The following CDH18 variants were observed in gnomAD, a reference collection of about 807,000 sequenced individuals.
CDH18 encodes cadherin-18.
In CDH18, 31 loss-of-function variants were observed where a neutral mutation model predicts 67.9. The ratio of observed to expected loss-of-function variants is 0.46; its 90% confidence interval spans 0.34 to 0.62. The LOEUF (loss-of-function observed/expected upper bound fraction) is 0.62. CDH18 is among the 20% of genes least tolerant of loss of function. The pLI, the probability that CDH18 is intolerant of heterozygous loss-of-function variation, is 0.01. For synonymous variants in CDH18, 362 were observed against 347.2 expected (o/e 1.04, Z -0.48); for missense variants, 890 against 975.5 (o/e 0.91, Z 1.17).
At chr5:20,442,746 C>T (rs1581006765) in intron 1 of CDH18, among the ~76,000 whole-genome samples, 1 of 151,948 alleles carries the variant, frequency 6.6e-6, no homozygotes. Context: ...TAGGAAAAGC[C>T]TGCTATACCT....
At chr5:20,352,202 T>A (rs1220173627) in intron 1 of CDH18, among the ~76,000 whole-genome samples, 1 of 152,184 alleles carries the variant, frequency 6.6e-6, no homozygotes, top group Non-Finnish European at 1.5e-5. Flanking sequence ...ACCTTTCTTC[T>A]TGCTTGTCTT....
chr5:20,569,701 T>G (rs1758702221), intron 1 of CDH18, among the ~76,000 whole-genome samples: 1 of 152,162 alleles, frequency 6.6e-6, no homozygotes, highest in African/African-American at 2.4e-5. Flanking sequence ...GTTGAACACT[T>G]ACATATACAC....
At chr5:20,444,780 T>C (rs1244766810) in intron 1 of CDH18, among the ~76,000 whole-genome samples, 3 of 74,412 alleles carry the variant, frequency 4.0e-5, no homozygotes, top group Admixed American at 2.0e-4. Flanking sequence ...TTTTTCTTTC[T>C]TTTTTTTTTT....
upstream of CDH18, among the ~76,000 whole-genome samples, chr5:19,992,522 T>C (rs1196663785): frequency 1.3e-5 from 2 of 151,662 alleles, no homozygotes; most frequent in East Asian, 1.9e-4. Flanking sequence ...AGACTAGAGT[T>C]AAGCAAATAT....
intron 1 of CDH18, among the ~76,000 whole-genome samples, chr5:20,483,742 A>G (rs1207318758): frequency 6.6e-6 from 1 of 151,982 alleles, no homozygotes; most frequent in African/African-American, 2.4e-5. Flanking sequence ...AAAAATGAAA[A>G]TAGATTTCCA....
chr5:20,571,829 G>C (rs1758837868), intron 1 of CDH18, among the ~76,000 whole-genome samples: 1 of 151,986 alleles, frequency 6.6e-6, no homozygotes, highest in South Asian at 2.1e-4. Context: ...CACTCACATT[G>C]TGTATGTCAC....
At chr5:19,966,960 C>T (rs1797502971) in intron 2 of CDH18, among the ~76,000 whole-genome samples, 1 of 151,600 alleles carries the variant, frequency 6.6e-6, no homozygotes, top group Non-Finnish European at 1.5e-5. Flanking sequence ...TGTACTAATA[C>T]CAAACCCATT....
chr5:20,263,679 A>G (rs906969403), intron 1 of CDH18, among the ~76,000 whole-genome samples: 1 of 152,190 alleles, frequency 6.6e-6, no homozygotes, highest in African/African-American at 2.4e-5. Flanking sequence ...AATGGATTTT[A>G]ATTAACAAAA....
intron 2 of CDH18, among the ~76,000 whole-genome samples, chr5:19,848,411 G>C (rs1163918123): frequency 6.6e-6 from 1 of 152,178 alleles, no homozygotes; most frequent in African/African-American, 2.4e-5. Flanking sequence ...CTTAGATTCA[G>C]TTAGTTTCAC....
At chr5:19,756,346 T>C (rs1176210703) in intron 3 of CDH18, among the ~76,000 whole-genome samples, 1 of 152,252 alleles carries the variant, frequency 6.6e-6, no homozygotes, top group Non-Finnish European at 1.5e-5. Flanking sequence ...TTGCTGCAGA[T>C]GGTCACGTGG....
intron 2 of CDH18, among the ~76,000 whole-genome samples, chr5:20,125,651 C>G (rs1008765672): frequency 1.3e-5 from 2 of 151,926 alleles, no homozygotes; most frequent in Non-Finnish European, 2.9e-5. Context: ...CTACATGGAC[C>G]TCTGTTTAAA....
At chr5:20,445,357 G>C (rs1749922953) in intron 1 of CDH18, among the ~76,000 whole-genome samples, 1 of 152,174 alleles carries the variant, frequency 6.6e-6, no homozygotes. Flanking sequence ...CTGTGTGTGT[G>C]ACAGATACAA....
At chr5:20,320,862 C>T (rs757562790) in intron 1 of CDH18, among the ~76,000 whole-genome samples, 11 of 152,116 alleles carry the variant, frequency 7.2e-5, no homozygotes, top group Non-Finnish European at 1.2e-4. Context: ...CTGCAGGCAA[C>T]TCTAGTGGCC....
At position 20,309,752 on chromosome 5, in the gene CDH18, T is replaced by A. The variant is rs112539065; in HGVS notation, c.-579-54247A>T. ...GATTTCTTCATTTACTTTGAGGACA[T>A]CATAGCTGGGTAGCAAATGATTTTA... On this transcript the variant is annotated intron_variant, in intron 1 of 14. Transcript: ENST00000507958. Among the ~76,000 whole-genome samples, 929 of 152,304 alleles carry A rather than the reference T, an allele frequency of 6.1e-3. 9 individuals carry two copies. Among genetic ancestry groups the A allele is most frequent in the African/African-American group, 0.021 (888 of 41,576 alleles).
At chr5:19,785,669 AAAAAAAAAAAATATATATATATAT>A (rs1479165525) in intron 3 of CDH18, among the ~76,000 whole-genome samples, 16 of 66,636 alleles carry the variant, frequency 2.4e-4, no homozygotes, top group African/African-American at 1.1e-3. Flanking sequence ...AAAAAAAAAA[AAAAAAAAAAAATATATATATATAT>A]ATATATATAT....
rs1402122149 is a variant in CDH18 at position 19,591,217 on chromosome 5, G to A, written c.839C>T (p.Ser280Leu). 6.2e-7 allele frequency: 1 copy of A among 1,610,898 alleles called. No homozygotes were observed. Among genetic ancestry groups the A allele is most frequent in the East Asian group, 2.2e-5 (1 of 44,788 alleles). The change falls in exon 7 of 13, where the codon TCA becomes TTA. Residue 280 changes from serine to leucine, a missense_variant. By Grantham distance (145) the Ser-to-Leu change is moderately radical. This residue lies in a region of CDH18 where 656 missense variants were observed against 668.1 expected (regional missense o/e 0.98). Transcript: ENST00000382275. ...CCCAACAGCTGAACCAACTTGAGCT[G>A]ACTCAGGAACATATAGCTGATAGTG... ...QKHYQLYVPE[S>L]AQVGSAVGKI...
intron 2 of CDH18, among the ~76,000 whole-genome samples, chr5:19,843,955 T>C (rs998312088): frequency 3.3e-5 from 5 of 152,216 alleles, no homozygotes. Context: ...TGATTCTTAT[T>C]CAAAACTATT....
intron 2 of CDH18, among the ~76,000 whole-genome samples, chr5:20,182,294 C>T (rs1737744494): frequency 6.6e-6 from 1 of 151,784 alleles, no homozygotes; most frequent in South Asian, 2.1e-4. Context: ...TGAATGTCCC[C>T]AAAATTTATG....
Position 19,591,125 on chromosome 5 carries a change from C to T in CDH18, c.931G>A (p.Asp311Asn). 6.2e-7 allele frequency: 1 copy of T among 1,611,726 alleles called. No individual in the cohort carries two copies. Among genetic ancestry groups the T allele is most frequent in the Non-Finnish European group, 8.5e-7 (1 of 1,178,386 alleles). Residue 311 changes from aspartate (D) to asparagine (N), a missense_variant, in exon 7 of 13, where the codon GAT becomes AAT. Coordinates refer to ENST00000382275, the MANE Select transcript of CDH18 (RefSeq NM_004934.5). ...ADMTYSIING[D>N]GMGIFSISTD... ...GAGATTGAGAATATTCCCATGCCAT[C>T]ACCATTTATGATGGAGTAGGTCATG...
Sources: allele counts gnomAD v4.1 joint callset (sites outside exome capture counted in the v4.1 genomes callset), GRCh38; gene constraint gnomAD v4.1.1; regional missense constraint gnomAD v4.1.1; transcripts MANE v1.5; gene names NCBI Gene and HGNC (gene_info 2026-07-23, HGNC 2026-07-21).